TFAP2D: variants seen among roughly 807,000 people sequenced by gnomAD.
TFAP2D encodes transcription factor AP-2-delta.
In TFAP2D, 9 loss-of-function variants were observed where a neutral mutation model predicts 43.6. The ratio of observed to expected loss-of-function variants is 0.21; its 90% confidence interval spans 0.12 to 0.36. The LOEUF is 0.36. Among genes scored for constraint, TFAP2D ranks in the 10% least tolerant of loss-of-function variants. The pLI, the probability that TFAP2D is intolerant of heterozygous loss-of-function variation, is 1.00. For missense variants in TFAP2D, 513 were observed against 561.4 expected, an observed-to-expected ratio of 0.91 and a Z score of 0.87; for synonymous variants, 256 against 224.9, an observed-to-expected ratio of 1.14 and a Z score of -1.24.
Position 50,729,328 on chromosome 6 carries a change from T to G in TFAP2D, c.883+16T>G. 6.2e-7 allele frequency: 1 copy of G among 1,604,562 alleles called. No individual in the cohort carries two copies. The highest frequency in any genetic ancestry group is 1.1e-5 in the South Asian group (1 of 90,690). On this transcript the variant is annotated intron_variant, in intron 5 of 7. Coordinates refer to ENST00000008391, the MANE Select transcript of TFAP2D (RefSeq NM_172238.4). Reference sequence around the variant, plus strand: ...TTGGTTGAAGGTATGACTTTTCAGTTTAGCAAAATAATGCTGGAAGGTTGG... The same window carrying G: ...TTGGTTGAAGGTATGACTTTTCAGTGTAGCAAAATAATGCTGGAAGGTTGG...
intron 5 of TFAP2D, among the ~76,000 whole-genome samples, chr6:50,731,862 T>G (rs1768899956): frequency 6.6e-6 from 1 of 152,040 alleles, no homozygotes; most frequent in Non-Finnish European, 1.5e-5. Context: ...ACTCTGCAGA[T>G]GGTATTAGGT....
At chr6:50,720,279 G>T (rs1352185313) in intron 3 of TFAP2D, among the ~76,000 whole-genome samples, 2 of 152,248 alleles carry the variant, frequency 1.3e-5, no homozygotes, top group East Asian at 3.9e-4. Context: ...AGAGAGATGT[G>T]CTGGTAGAAA....
At chr6:50,728,263 A>G (rs1046739653) in intron 3 of TFAP2D, among the ~76,000 whole-genome samples, 10 of 152,220 alleles carry the variant, frequency 6.6e-5, no homozygotes, top group African/African-American at 2.4e-4. Context: ...GGCATACAAT[A>G]GAGGTATTTA....
At chr6:50,727,578 C>T (rs1768826728) in intron 3 of TFAP2D, among the ~76,000 whole-genome samples, 1 of 152,154 alleles carries the variant, frequency 6.6e-6, no homozygotes, top group Non-Finnish European at 1.5e-5. Flanking sequence ...AGATTTTATG[C>T]TTCTAACAAG....
chr6:50,737,881 A>G (rs1003631850), intron 5 of TFAP2D, among the ~76,000 whole-genome samples: 5 of 152,196 alleles, frequency 3.3e-5, no homozygotes, highest in African/African-American at 9.6e-5. Context: ...CCTCAAACTT[A>G]TATAAATAGT....
chr6:50,715,525 A>C lies in TFAP2D; in HGVS notation c.449A>C (p.His150Pro). The C allele has an allele frequency of 1.2e-6, 2 of 1,612,796 alleles. No homozygotes were observed. Among genetic ancestry groups the C allele is most frequent in the Non-Finnish European group, 1.7e-6 (2 of 1,180,026 alleles). ...YRRHDLSLMS[H>P]GSQYGMHPDQ... ...CGCCATGACCTGTCCCTCATGAGCC[A>C]TGGCTCTCAGTATGGAATGCACCCA... Residue 150 changes from histidine to proline, a missense_variant, in exon 2 of 8, where the codon CAT (histidine) becomes CCT (proline). Physicochemically the swap from His to Pro is moderately conservative, Grantham distance 77 (BLOSUM62 -2). Around this residue, in one of 3 missense-constraint regions of TFAP2D, gnomAD observed 311 missense variants for 316.2 expected, o/e 0.98. Coordinates refer to ENST00000008391, the MANE Select transcript of TFAP2D (RefSeq NM_172238.4).
rs540433266 is a variant in TFAP2D, at chr6:50,724,633, G to A, written c.599-4223G>A. On this transcript the variant is annotated intron_variant, in intron 3 of 7. Coordinates refer to ENST00000008391, the MANE Select transcript of TFAP2D (RefSeq NM_172238.4). ...TCAGAGGCAGATTTAGAGGCTCCAG[G>A]GACCCGCGGCTCCTTGGAGACAGCC... Among the ~76,000 whole-genome samples the A allele has an allele frequency of 2.0e-5, 3 of 152,154 alleles. No individual in the cohort carries two copies. The East Asian group carries it at 5.9e-4, about 30-fold the overall frequency.
intron 7 of TFAP2D, among the ~76,000 whole-genome samples, chr6:50,756,356 T>C (rs909398775): frequency 6.6e-6 from 1 of 151,914 alleles, no homozygotes; most frequent in African/African-American, 2.4e-5. Flanking sequence ...GGAGTGTAAT[T>C]AGATAGGCAT....
intron 7 of TFAP2D, among the ~76,000 whole-genome samples, chr6:50,760,212 G>C (rs1769343319): frequency 6.6e-6 from 1 of 151,980 alleles, no homozygotes; most frequent in African/African-American, 2.4e-5. Flanking sequence ...TCCGCAGAAG[G>C]TCTTGTGGGA....
intron 7 of TFAP2D, among the ~76,000 whole-genome samples, chr6:50,763,660 A>G (rs1030387658): frequency 1.3e-5 from 2 of 152,180 alleles, no homozygotes; most frequent in Non-Finnish European, 2.9e-5. Flanking sequence ...ATTCAATGGA[A>G]TACTTACCAG....
intron 7 of TFAP2D, among the ~76,000 whole-genome samples, chr6:50,770,179 A>G (rs1769504135): frequency 1.3e-5 from 2 of 152,168 alleles, no homozygotes; most frequent in African/African-American, 4.8e-5. Context: ...CCACTCCAAC[A>G]ATTCCATTTG....
intron 7 of TFAP2D, among the ~76,000 whole-genome samples, chr6:50,766,790 T>A (rs1769450778): frequency 6.7e-6 from 1 of 148,868 alleles, no homozygotes; most frequent in African/African-American, 2.5e-5. Context: ...TGCCTCAGCC[T>A]CCCGAGTAGC....
At chr6:50,724,420 T>TCTAA (rs1768775645) in intron 3 of TFAP2D, among the ~76,000 whole-genome samples, 1 of 152,188 alleles carries the variant, frequency 6.6e-6, no homozygotes, top group African/African-American at 2.4e-5. Flanking sequence ...CAAGATTTGG[T>TCTAA]CTAATTATGT....
At chr6:50,721,496 G>T (rs1415764372) in intron 3 of TFAP2D, among the ~76,000 whole-genome samples, 1 of 152,110 alleles carries the variant, frequency 6.6e-6, no homozygotes, top group African/African-American at 2.4e-5. Flanking sequence ...AAAAGAGGGC[G>T]TATATTTTGC....
At chr6:50,723,574 G>T (rs770703639) in intron 3 of TFAP2D, among the ~76,000 whole-genome samples, 4 of 152,094 alleles carry the variant, frequency 2.6e-5, no homozygotes, top group African/African-American at 7.2e-5. Context: ...CTCAAGCCTC[G>T]CCTGCCTCCT....
intron 5 of TFAP2D, among the ~76,000 whole-genome samples, chr6:50,744,321 A>G (rs1769094602): frequency 6.6e-6 from 1 of 152,130 alleles, no homozygotes; most frequent in African/African-American, 2.4e-5. Context: ...TTCCTGTGGT[A>G]GTTTACTTAG....
chr6:50,716,942 C>T (rs1282643897), intron 2 of TFAP2D, among the ~76,000 whole-genome samples: 1 of 152,200 alleles, frequency 6.6e-6, no homozygotes, highest in Non-Finnish European at 1.5e-5. Flanking sequence ...AGCAGTAAGA[C>T]CGGTGCACAA....
intron 7 of TFAP2D, among the ~76,000 whole-genome samples, chr6:50,766,003 C>A (rs180925595): frequency 5.9e-4 from 90 of 152,234 alleles, no homozygotes; most frequent in African/African-American, 2.0e-3. Flanking sequence ...TATTATGTTT[C>A]AGTTTTTAAT....
chr6:50,729,121 G>A (rs995085182), intron 4 of TFAP2D, 73 bp from the exon 5 acceptor site: 8 of 1,603,534 alleles, frequency 5.0e-6, no homozygotes, highest in Non-Finnish European at 6.8e-6. Flanking sequence ...TATTCCCCAT[G>A]TGGTCAAGTC....
Sources: allele counts gnomAD v4.1 joint callset (sites outside exome capture counted in the v4.1 genomes callset), GRCh38; gene constraint gnomAD v4.1.1; regional missense constraint gnomAD v4.1.1; transcripts MANE v1.5; gene names NCBI Gene and HGNC (gene_info 2026-07-23, HGNC 2026-07-21).